ITFG2: variants seen among roughly 807,000 people sequenced by gnomAD.
The protein encoded by ITFG2 is integrin alpha FG-GAP repeat containing 2.
ITFG2 carries 36 observed loss-of-function variants against 54.4 expected under a neutral mutation model. That is an observed-to-expected ratio of 0.66 (90% CI 0.51 to 0.87). ITFG2 has a LOEUF of 0.87. Among genes scored for constraint, ITFG2 ranks in the 40% least tolerant of loss-of-function variants. The pLI is 0.00. For synonymous variants in ITFG2, 211 were observed against 225.4 expected (o/e 0.94, Z 0.57); for missense variants, 524 against 576.7 (o/e 0.91, Z 0.94).
chr12:2,820,725 T>C lies in ITFG2; in HGVS notation c.548T>C (p.Val183Ala), dbSNP rs2097941128. The C allele has an allele frequency of 6.4e-7, 1 of 1,553,346 alleles. No homozygotes were observed. Among genetic ancestry groups the C allele is most frequent in the Non-Finnish European group, 8.7e-7 (1 of 1,143,702 alleles). Reference sequence around the variant, plus strand: ...CTTTAATCCCATTCCCTGGTGCAGGTGGACAGCCTCTCAGTGACTCTGGGG... The same window carrying C: ...CTTTAATCCCATTCCCTGGTGCAGGCGGACAGCCTCTCAGTGACTCTGGGG... ...SLKKWMLEGQ[V>A]DSLSVTLGPL... Residue 183 changes from valine (V) to alanine (A), a missense_variant and splice_region_variant, in exon 6 of 12, where the codon GTG (valine) becomes GCG (alanine). Transcript: ENST00000228799.
intron 6 of ITFG2, 133 bp downstream of exon 6, chr12:2,821,005 G>C: frequency 1.1e-6 from 1 of 938,514 alleles, no homozygotes; most frequent in South Asian, 1.7e-5. Flanking sequence ...AAGCACCTTT[G>C]CCCCACTGGG....
intron 1 of ITFG2, among the ~76,000 whole-genome samples, chr12:2,813,359 CTTAAGT>C (rs1241982225): frequency 6.6e-6 from 1 of 152,184 alleles, no homozygotes; most frequent in Non-Finnish European, 1.5e-5. Flanking sequence ...TTAGTGCTCA[CTTAAGT>C]GTTAGTGGTG....
chr12:2,831,008 A>C, downstream of ITFG2: 1 of 701,080 alleles, frequency 1.4e-6, no homozygotes, highest in Non-Finnish European at 2.3e-6. Context: ...GGTCCCAGAT[A>C]ATGAGAGCAG....
At chr12:2,852,267 A>AG (rs560154613) in intron 2 of ITFG2, among the ~76,000 whole-genome samples, 144 of 152,290 alleles carry the variant, frequency 9.5e-4, no homozygotes, top group African/African-American at 3.2e-3. Flanking sequence ...TCATGGAGAT[A>AG]CCATACTAAT....
chr12:2,817,997 A>T lies in ITFG2; in HGVS notation c.234+47A>T, dbSNP rs111226449. On this transcript the variant is annotated intron_variant, in intron 3 of 11. Transcript: ENST00000228799. ...CCTTGGTTCTTAGCTCACAGTGGAA[A>T]TCAGTTGAAGGTTAAAGGCTTCAGC... is the stretch of plus-strand genomic sequence containing the variant. The T allele has an allele frequency of 2.4e-5, 39 of 1,611,262 alleles. No individual in the cohort carries two copies. In the African/African-American group the frequency reaches 2.5e-4, roughly 10 times the overall value.
Position 2,820,184 on chromosome 12 carries a change from G to C in ITFG2, c.505G>C (p.Gly169Arg). 6.2e-7 allele frequency: 1 copy of C among 1,613,304 alleles called. No individual in the cohort carries two copies. The highest frequency in any genetic ancestry group is 2.2e-5 in the East Asian group (1 of 44,856). ...AGGTGAGGGTCCTGAACATCTGACA[G>C]GGCAGCTGGTGTCCCTCAAGAAATG... The part of the protein sequence containing the change: ...ELGEGPEHLT[G>R]QLVSLKKWML... Residue 169 changes from glycine (G) to arginine (R), a missense_variant, in exon 5 of 12, where the codon GGG becomes CGG. Transcript: ENST00000228799.
chr12:2,852,123 T>G (rs745770369), intron 2 of ITFG2, among the ~76,000 whole-genome samples: 18 of 152,216 alleles, frequency 1.2e-4, no homozygotes, highest in Non-Finnish European at 1.9e-4. Flanking sequence ...CCAAAAGGTT[T>G]TGTGGCACAT....
rs1555092608 is a variant in ITFG2, at chr12:2,848,877, G to GCGCA, written n.300+7883_300+7884insGCAC. 1.1e-3 allele frequency among the ~76,000 whole-genome samples: 154 copies of GCGCA among 140,372 alleles called. 1 individual carries two copies. The highest frequency in any genetic ancestry group is 2.2e-3 in the African/African-American group (80 of 37,184). The allele number at this position is 140,372 out of a possible 152,430, so 92.1% of individuals were successfully genotyped here. A position where few individuals can be genotyped will look rare whatever the true frequency, so the allele number is the denominator to read the frequency against. On this transcript the variant is annotated intron_variant and non_coding_transcript_variant, in intron 2 of 3. Transcript: ENST00000537710. ...CCCCCACCCCAACAGACACACACAC[G>GCGCA]CACACACACACACACACACACACAC...
chr12:2,821,844 A>G, intron 9 of ITFG2, 52 bp downstream of exon 9: 1 of 1,352,500 alleles, frequency 7.4e-7, no homozygotes, highest in South Asian at 1.2e-5. Context: ...CCACATGGAG[A>G]GATGAGATTT....
At chr12:2,842,771 C>T (rs971814378) in intron 2 of ITFG2, among the ~76,000 whole-genome samples, 1 of 152,096 alleles carries the variant, frequency 6.6e-6, no homozygotes, top group African/African-American at 2.4e-5. Context: ...AGATGTTGCT[C>T]CATTATGTTT....
At chr12:2,829,247 A>G (rs968522549), downstream of ITFG2, among the ~76,000 whole-genome samples, 2 of 152,242 alleles carry the variant, frequency 1.3e-5, no homozygotes, top group African/African-American at 4.8e-5. Context: ...TGAGTAACCA[A>G]GAAGTTCGCT....
At chr12:2,848,031 T>C (rs1270093722) in intron 2 of ITFG2, among the ~76,000 whole-genome samples, 2 of 152,254 alleles carry the variant, frequency 1.3e-5, no homozygotes, top group East Asian at 3.8e-4. Context: ...ATTTATTCCA[T>C]TTATTTATAA....
intron 1 of ITFG2, among the ~76,000 whole-genome samples, chr12:2,839,895 C>G (rs535227708): frequency 2.0e-5 from 3 of 152,172 alleles, no homozygotes; most frequent in African/African-American, 4.8e-5. Flanking sequence ...TAAGCGGGAG[C>G]TAAACAATGA....
chr12:2,855,708 T>C (rs1477481004), intron 2 of ITFG2, among the ~76,000 whole-genome samples: 1 of 152,184 alleles, frequency 6.6e-6, no homozygotes, highest in Non-Finnish European at 1.5e-5. Context: ...CCACCCTCTG[T>C]ACTCAGCTTT....
intron 1 of ITFG2, among the ~76,000 whole-genome samples, chr12:2,816,784 G>A (rs541071227): frequency 2.3e-4 from 35 of 152,092 alleles, no homozygotes; most frequent in African/African-American, 8.0e-4. Context: ...TGGGACCACA[G>A]GCATGCACCA....
intron 3 of ITFG2, chr12:2,858,904 G>A: frequency 6.2e-7 from 1 of 1,613,974 alleles, no homozygotes; most frequent in Non-Finnish European, 8.5e-7. Flanking sequence ...GAACTGAGGA[G>A]CCTTTGCGGT....
chr12:2,835,071 A>C (rs921480385), upstream of ITFG2: 1 of 1,441,666 alleles, frequency 6.9e-7, no homozygotes, highest in East Asian at 2.5e-5. Flanking sequence ...CCTAGAAGAG[A>C]GGGAGGGTTG....
chr12:2,818,719 G>GA, intron 4 of ITFG2: 1 of 239,618 alleles, frequency 4.2e-6, no homozygotes, highest in Non-Finnish European at 8.3e-6. Context: ...TAGTATATTA[G>GA]AAGGTAGTAA....
upstream of ITFG2, among the ~76,000 whole-genome samples, chr12:2,832,286 C>G (rs985110789): frequency 6.6e-6 from 1 of 152,058 alleles, no homozygotes; most frequent in Non-Finnish European, 1.5e-5. Flanking sequence ...CATGATAGAG[C>G]TCAAGCTTTT....
Sources: allele counts gnomAD v4.1 joint callset (sites outside exome capture counted in the v4.1 genomes callset), GRCh38; gene constraint gnomAD v4.1.1; transcripts MANE v1.5; gene names NCBI Gene and HGNC (gene_info 2026-07-23, HGNC 2026-07-21).